PPP2CA: variants seen among roughly 807,000 people sequenced by gnomAD.
PPP2CA encodes the protein protein phosphatase 2 catalytic subunit alpha.
Under a neutral mutation model 38.8 loss-of-function variants are expected in PPP2CA, and 5 were observed. The ratio of observed to expected loss-of-function variants is 0.13; its 90% CI spans 0.07 to 0.27. The LOEUF (loss-of-function observed/expected upper bound fraction) is 0.27. Ranked by LOEUF, PPP2CA falls within the 10% of genes least tolerant of loss-of-function variation. The pLI is 1.00. For missense variants in PPP2CA, 88 were observed against 389.7 expected, an observed-to-expected ratio of 0.23 and a Z score of 6.52; for synonymous variants, 152 against 134.0, an observed-to-expected ratio of 1.13 and a Z score of -0.93.
intron 6 of PPP2CA, among the ~76,000 whole-genome samples, chr5:134,198,758 G>C (rs775063577): frequency 6.6e-5 from 10 of 152,128 alleles, no homozygotes; most frequent in Non-Finnish European, 1.0e-4. Flanking sequence ...TAGAGAAGGG[G>C]TTTCACCATG....
At position 134,197,956 on chromosome 5, in the gene PPP2CA, G is replaced by GGA. The variant is rs1761889462; in HGVS notation, c.858-113_858-112insTC. 5.7e-6 allele frequency: 5 copies of GGA among 870,484 alleles called. No individual in the cohort carries two copies. In the East Asian group the frequency reaches 1.3e-4, roughly 22 times the overall value. The allele number at this position is 870,484 out of a possible 1,614,324, so 53.9% of individuals were successfully genotyped here. On this transcript the variant is annotated intron_variant, in intron 6 of 6. Transcript: ENST00000481195. ...TACACTTCCTATTCAATTTTGGCTTGTCTTAATGTAACAGAACCTTAATGA... is the reference window on the plus strand; with the variant it reads ...TACACTTCCTATTCAATTTTGGCTTGGATCTTAATGTAACAGAACCTTAATGA...
chr5:134,223,105 G>A (rs990302183), intron 1 of PPP2CA, among the ~76,000 whole-genome samples: 1 of 152,084 alleles, frequency 6.6e-6, no homozygotes, highest in Non-Finnish European at 1.5e-5. Flanking sequence ...TGGGTAGAAG[G>A]AAGGCTTTTA....
chr5:134,200,662 G>A (rs1052525491), intron 4 of PPP2CA, among the ~76,000 whole-genome samples, 166 bp from the exon 5 acceptor site: 1 of 152,222 alleles, frequency 6.6e-6, no homozygotes, highest in African/African-American at 2.4e-5. Flanking sequence ...CAAATAAGAT[G>A]TATTTTCCAG....
At chr5:134,225,181 T>A (rs1762540704) in intron 1 of PPP2CA, among the ~76,000 whole-genome samples, 1 of 152,200 alleles carries the variant, frequency 6.6e-6, no homozygotes, top group Non-Finnish European at 1.5e-5. Context: ...AAGAGAATAA[T>A]TTAAAAATTC....
chr5:134,215,931 G>A (rs1480995983), intron 1 of PPP2CA, among the ~76,000 whole-genome samples: 3 of 152,200 alleles, frequency 2.0e-5, no homozygotes, highest in Admixed American at 6.5e-5. Flanking sequence ...ATCAGATTAT[G>A]CCATTCAACA....
At chr5:134,211,448 T>C (rs1762200865) in intron 1 of PPP2CA, among the ~76,000 whole-genome samples, 1 of 150,522 alleles carries the variant, frequency 6.6e-6, no homozygotes. Context: ...AGCTCATAAA[T>C]CATCCATGCT....
chr5:134,215,147 G>A (rs1423572087), intron 1 of PPP2CA, among the ~76,000 whole-genome samples: 3 of 146,718 alleles, frequency 2.0e-5, no homozygotes, highest in Admixed American at 6.9e-5. Flanking sequence ...CCCAGGCTTC[G>A]AGTGCTGTAG....
intron 1 of PPP2CA, chr5:134,225,378 T>C (rs2149390121): frequency 5.0e-6 from 1 of 201,918 alleles, no homozygotes; most frequent in Middle Eastern, 1.9e-3. Flanking sequence ...GGCAAGACTC[T>C]TACTCAGCCC....
intron 1 of PPP2CA, among the ~76,000 whole-genome samples, chr5:134,213,548 G>A (rs1034967150): frequency 6.6e-6 from 1 of 151,774 alleles, no homozygotes; most frequent in Non-Finnish European, 1.5e-5. Context: ...CTACTTGGAA[G>A]GCTGTGGCAG....
At chr5:134,206,424 G>C (rs919503355) in intron 1 of PPP2CA, among the ~76,000 whole-genome samples, 2 of 152,174 alleles carry the variant, frequency 1.3e-5, no homozygotes, top group Non-Finnish European at 2.9e-5. Context: ...TAAAACCAAT[G>C]AAAATCGAAC....
rs1561733954 is a variant in PPP2CA at position 134,200,367 on chromosome 5, A to G, written c.706T>C (p.Leu236=). The G allele has an allele frequency of 1.2e-6, 2 of 1,614,160 alleles. No homozygotes were observed. Among genetic ancestry groups the G allele is most frequent in the Non-Finnish European group, 1.7e-6 (2 of 1,180,004 alleles). Residue 236 remains leucine (L), a synonymous_variant, in exon 5 of 7, where the codon TTG becomes CTG. Coordinates refer to ENST00000481195, the MANE Select transcript of PPP2CA (RefSeq NM_002715.4). ...ACTAGCTGGTGAGCTCTAGACACCA[A>G]CGTGAGGCCATTGGCATGATTAAAT... ...ETFNHANGLT[L]VSRAHQLVME...
At chr5:134,213,942 A>C (rs1271859008) in intron 1 of PPP2CA, among the ~76,000 whole-genome samples, 1 of 152,208 alleles carries the variant, frequency 6.6e-6, no homozygotes, top group Non-Finnish European at 1.5e-5. Flanking sequence ...CAGCCTGGCC[A>C]ACACGGTAAA....
chr5:134,197,860 G>A lies in PPP2CA; in HGVS notation c.858-16C>T, dbSNP rs374292745. ...AAACTGCAAGCTGAAAAACAAGACC[G>A]ATTCATGGTTTATGTTCCACGACCT... On this transcript the variant is annotated splice_polypyrimidine_tract_variant and intron_variant, in intron 6 of 6. Transcript: ENST00000481195. 24 of 1,611,380 alleles carry A rather than the reference G, an allele frequency of 1.5e-5. 1 individual carries two copies. The highest frequency in any genetic ancestry group is 1.4e-4 in the South Asian group (13 of 90,954).
chr5:134,212,056 T>A (rs976445164), intron 1 of PPP2CA, among the ~76,000 whole-genome samples: 1 of 152,068 alleles, frequency 6.6e-6, no homozygotes, highest in Non-Finnish European at 1.5e-5. Flanking sequence ...GGAGGCGAGG[T>A]TGCAGTGAGC....
In PPP2CA at chr5:134,225,649, C is replaced by T; in HGVS notation, c.102+111G>A. 5 of 941,014 alleles carry T rather than the reference C, an allele frequency of 5.3e-6. No homozygotes were observed. In the South Asian group the frequency reaches 7.0e-5, roughly 13 times the overall value. The allele number at this position is 941,014 out of a possible 1,614,324, so 58.3% of individuals were successfully genotyped here. A position where few individuals can be genotyped will look rare whatever the true frequency, so the allele number is the denominator to read the frequency against. On this transcript the variant is annotated intron_variant, in intron 1 of 6. Coordinates refer to ENST00000481195, the MANE Select transcript of PPP2CA (RefSeq NM_002715.4). ...CCAGGATGGGCGCCGGTCTCGGAGA[C>T]TCGGGGGGCCCGGACCGGCGGCCTC...
chr5:134,200,863 G>A (rs1216913810), intron 4 of PPP2CA, 122 bp downstream of exon 4: 8 of 796,654 alleles, frequency 1.0e-5, no homozygotes, highest in Non-Finnish European at 1.6e-5. Flanking sequence ...GCAGACAAGA[G>A]TGCTCACACC....
At chr5:134,201,203 G>A in intron 3 of PPP2CA, 129 bp from the exon 4 acceptor site, 1 of 676,278 alleles carries the variant, frequency 1.5e-6, no homozygotes, top group Non-Finnish European at 2.6e-6. Context: ...CTTGAGGCCA[G>A]GAGTTTGAGA....
rs1313870281 is a variant in PPP2CA, at chr5:134,195,466, T to G, written c.*2306A>C. ...TTTTGCCATGTTGGCCAGGCTGCTC[T>G]TCAACTCCTGACCTCAAGGGATCCA... On this transcript the variant is annotated 3_prime_UTR_variant, in exon 7 of 7. Transcript: ENST00000481195. 3 of 152,226 alleles carry G rather than the reference T, an allele frequency of 2.0e-5. No homozygotes were observed. Among genetic ancestry groups the G allele is most frequent in the Non-Finnish European group, 2.9e-5 (2 of 68,104 alleles). The allele number at this position is 152,226 out of a possible 1,614,324, so 9.4% of individuals were successfully genotyped here.
At chr5:134,214,597 T>G (rs2149386900) in intron 1 of PPP2CA, among the ~76,000 whole-genome samples, 1 of 152,322 alleles carries the variant, frequency 6.6e-6, no homozygotes, top group Non-Finnish European at 1.5e-5. Context: ...CATTTTTCAT[T>G]TCTGAGTACA....
Sources: allele counts gnomAD v4.1 joint callset (sites outside exome capture counted in the v4.1 genomes callset), GRCh38; gene constraint gnomAD v4.1.1; transcripts MANE v1.5; gene names NCBI Gene and HGNC (gene_info 2026-07-23, HGNC 2026-07-21).